The following PAX7 variants were observed in gnomAD, a reference collection of about 807,000 sequenced individuals.
The protein encoded by PAX7 is paired box 7.
In PAX7, 18 loss-of-function variants were observed where a neutral mutation model predicts 50.7. That is an observed-to-expected ratio of 0.36 (90% CI 0.25 to 0.53). The LOEUF (loss-of-function observed/expected upper bound fraction) is 0.53, where lower values mean the gene tolerates loss of function less well. Among genes scored for constraint, PAX7 ranks in the 20% least tolerant of loss-of-function variants. PAX7 has a pLI of 0.93. For missense variants in PAX7, 644 were observed against 702.9 expected (o/e 0.92, Z 0.95); for synonymous variants, 310 against 290.4 (o/e 1.07, Z -0.69).
At chr1:18,635,784 G>A (rs1371747192) in intron 3 of PAX7, among the ~76,000 whole-genome samples, 1 of 152,118 alleles carries the variant, frequency 6.6e-6, no homozygotes, top group Non-Finnish European at 1.5e-5. Context: ...CATACTGCCT[G>A]TGAGAGAGAA....
At chr1:18,736,702 A>C (rs968115194) in intron 8 of PAX7, among the ~76,000 whole-genome samples, 2 of 152,366 alleles carry the variant, frequency 1.3e-5, no homozygotes, top group Admixed American at 6.5e-5. Context: ...TCTGTATTTA[A>C]ATTTCATATA....
intron 4 of PAX7, among the ~76,000 whole-genome samples, chr1:18,654,673 A>G (rs571925191): frequency 6.6e-6 from 1 of 152,282 alleles, no homozygotes; most frequent in East Asian, 1.9e-4. Flanking sequence ...AGATGAACAG[A>G]GCATGCTCAC....
At position 18,700,797 on chromosome 1, in the gene PAX7, CCCACCA is replaced by C. The variant is rs2089209703; in HGVS notation, c.938_943del (p.Thr313_Thr314del). 1.9e-6 allele frequency: 3 copies of C among 1,551,840 alleles called. No individual in the cohort carries two copies. In the African/African-American group the frequency reaches 4.2e-5, roughly 22 times the overall value. ...CTACCAGCTGCCGGACTCCACCTAC[CCCACCA>C]CCACCATCTCCCAAGGTGAGTGTCT... On this transcript the variant is annotated inframe_deletion, in exon 6 of 9. Coordinates refer to ENST00000420770, the MANE Select transcript of PAX7 (RefSeq NM_001135254.2). This position sits in a 1 kb window ranked among gnomAD's most constrained non-coding sequence, Gnocchi z 4.8.
chr1:18,661,932 T>G (rs1263027303), intron 4 of PAX7, among the ~76,000 whole-genome samples: 1 of 152,220 alleles, frequency 6.6e-6, no homozygotes, highest in Non-Finnish European at 1.5e-5. Context: ...GGTTTTACAC[T>G]CCAGCCTGTT....
intron 5 of PAX7, among the ~76,000 whole-genome samples, chr1:18,698,272 TACACAC>T (rs71018097): frequency 4.8e-5 from 7 of 147,320 alleles, no homozygotes; most frequent in South Asian, 2.2e-4. Flanking sequence ...ATTGTTAAAA[TACACAC>T]ACACACACAC....
intron 5 of PAX7, among the ~76,000 whole-genome samples, chr1:18,692,505 G>A (rs1402407404): frequency 1.3e-5 from 2 of 150,162 alleles, no homozygotes; most frequent in Non-Finnish European, 3.0e-5. Flanking sequence ...TTGCGCCACT[G>A]TACTCCAGCC....
At chr1:18,737,732 A>G (rs899605607) in intron 8 of PAX7, among the ~76,000 whole-genome samples, 2 of 152,278 alleles carry the variant, frequency 1.3e-5, no homozygotes, top group African/African-American at 4.8e-5. Flanking sequence ...ATGTGCACAC[A>G]TATATGTAAG....
chr1:18,707,992 C>A (rs1349425746), intron 7 of PAX7, among the ~76,000 whole-genome samples: 1 of 152,104 alleles, frequency 6.6e-6, no homozygotes, highest in Non-Finnish European at 1.5e-5. Flanking sequence ...GGTTTAGATA[C>A]CCTTGAGGCT....
chr1:18,683,488 T>C (rs1373224505), intron 4 of PAX7, among the ~76,000 whole-genome samples: 1 of 152,184 alleles, frequency 6.6e-6, no homozygotes, highest in Admixed American at 6.5e-5. Flanking sequence ...CGGCAACGAA[T>C]CAATGAATTT....
chr1:18,730,774 G>A (rs1005311292), intron 7 of PAX7, among the ~76,000 whole-genome samples: 2 of 151,830 alleles, frequency 1.3e-5, no homozygotes, highest in African/African-American at 2.4e-5. Context: ...CAGAGGCTGT[G>A]GAAGGGGGGC....
intron 5 of PAX7, among the ~76,000 whole-genome samples, chr1:18,693,989 G>T (rs1251390852): frequency 6.6e-6 from 1 of 152,178 alleles, no homozygotes; most frequent in Non-Finnish European, 1.5e-5. Flanking sequence ...GGCGGGGCCC[G>T]CCTCCTGCGT....
At position 18,733,277 on chromosome 1, in the gene PAX7, G is replaced by A. The variant is rs141777456; in HGVS notation, c.1156-2355G>A. The stretch of plus-strand genomic sequence containing the variant: ...TACCCCAGCACCCTACTGTTGACCC[G>A]ACCACAACAAAGATCTCAGAAGCAC... On this transcript the variant is annotated intron_variant, in intron 7 of 8. Coordinates refer to ENST00000420770, the MANE Select transcript of PAX7 (RefSeq NM_001135254.2). Among the ~76,000 whole-genome samples, 1,007 of 152,136 alleles carry A rather than the reference G, an allele frequency of 6.6e-3. 40 individuals carry two copies. The highest frequency in any genetic ancestry group is 0.057 in the Admixed American group (868 of 15,274).
intron 8 of PAX7, among the ~76,000 whole-genome samples, chr1:18,741,088 T>G (rs1177088021): frequency 3.9e-5 from 6 of 152,206 alleles, no homozygotes; most frequent in African/African-American, 1.4e-4. Flanking sequence ...ATAGGGTGAC[T>G]ACAGCTAACA....
rs764412438 is a variant in PAX7, at chr1:18,735,787, C to T, written c.1311C>T (p.Pro437=). The change falls in exon 8 of 9, where the codon CCC becomes CCT. Residue 437 remains proline (P), a synonymous_variant. Coordinates refer to ENST00000420770, the MANE Select transcript of PAX7 (RefSeq NM_001135254.2). The surrounding 1 kb of genome is among the most constrained non-coding windows in gnomAD (Gnocchi z 4.0). ...ADSIKPGDSL[P]TSQAYCPPTY... is the part of the protein sequence containing the mutation. ...CCATCAAGCCAGGAGACAGCCTGCCCACCTCCCAGGCCTACTGCCCACCCA... is the reference window on the plus strand; with the variant it reads ...CCATCAAGCCAGGAGACAGCCTGCCTACCTCCCAGGCCTACTGCCCACCCA... The T allele has an allele frequency of 1.2e-6, 2 of 1,614,146 alleles. No individual in the cohort carries two copies. The highest frequency in any genetic ancestry group is 2.2e-5 in the East Asian group (1 of 44,858).
intron 4 of PAX7, among the ~76,000 whole-genome samples, chr1:18,660,709 A>G (rs1224898519): frequency 6.6e-6 from 1 of 152,134 alleles, no homozygotes; most frequent in African/African-American, 2.4e-5. Flanking sequence ...GCAGGGCTAT[A>G]AACAAGCCTG....
In PAX7 at chr1:18,744,922, CCTA is replaced by C; in HGVS notation, c.1515_1517del (p.Tyr505del). 6.5e-7 allele frequency: 1 copy of C among 1,537,078 alleles called. No homozygotes were observed. Among genetic ancestry groups the C allele is most frequent in the South Asian group, 1.2e-5 (1 of 83,806 alleles). On this transcript the variant is annotated inframe_deletion, in exon 9 of 9. Coordinates refer to ENST00000420770, the MANE Select transcript of PAX7 (RefSeq NM_001135254.2). ...CTCCTGCCTGTGGAAACTGGCCAGG[CCTA>C]CTAGGGCCCCTGGGGCGACTTGCCC...
intron 8 of PAX7, among the ~76,000 whole-genome samples, chr1:18,740,523 A>G (rs1184864266): frequency 6.6e-6 from 1 of 152,208 alleles, no homozygotes; most frequent in Non-Finnish European, 1.5e-5. Context: ...TACCTAAAGC[A>G]TGGGGCAGTT....
chr1:18,670,185 A>G (rs962102548), intron 4 of PAX7, among the ~76,000 whole-genome samples: 1 of 151,876 alleles, frequency 6.6e-6, no homozygotes, highest in Admixed American at 6.6e-5. Context: ...TGCATCTTAG[A>G]CCCCCTGCCT....
intron 7 of PAX7, among the ~76,000 whole-genome samples, chr1:18,716,878 T>C (rs2089431018): frequency 6.6e-6 from 1 of 151,710 alleles, no homozygotes; most frequent in African/African-American, 2.4e-5. Context: ...CACCCCCGTG[T>C]CCCCTTTCCG....
Sources: allele counts gnomAD v4.1 joint callset (sites outside exome capture counted in the v4.1 genomes callset), GRCh38; gene constraint gnomAD v4.1.1; non-coding constraint Gnocchi (gnomAD v3.1); transcripts MANE v1.5; gene names NCBI Gene and HGNC (gene_info 2026-07-23, HGNC 2026-07-21).